The following RAB27A variants were observed in gnomAD, a reference collection of about 807,000 sequenced individuals.
RAB27A encodes the protein ras-related protein Rab-27A.
A neutral mutation model predicts 20.8 loss-of-function variants in RAB27A; 17 were observed. That is an observed-to-expected ratio of 0.82 (90% CI 0.56 to 1.23). The LOEUF is 1.23. Among genes scored for constraint, RAB27A ranks in the 50% most tolerant of loss-of-function variants. The pLI is 0.00. For missense variants in RAB27A, 277 were observed against 266.7 expected, an observed-to-expected ratio of 1.04 and a Z score of -0.27; for synonymous variants, 85 against 92.8, an observed-to-expected ratio of 0.92 and a Z score of 0.48.
chr15:55,213,180 T>C (rs1895110021), intron 6 of RAB27A, among the ~76,000 whole-genome samples: 1 of 152,218 alleles, frequency 6.6e-6, no homozygotes, highest in Non-Finnish European at 1.5e-5. Flanking sequence ...CAGGGAGTCC[T>C]GCAATTGAAT....
At chr15:55,295,079 CA>C in intron 2 of RAB27A, among the ~76,000 whole-genome samples, 1 of 152,046 alleles carries the variant, frequency 6.6e-6, no homozygotes, top group South Asian at 2.1e-4. Context: ...TGGCCAACTT[CA>C]AATGAAAAGA....
At chr15:55,300,078 C>G (rs2054965387) in intron 2 of RAB27A, among the ~76,000 whole-genome samples, 1 of 152,034 alleles carries the variant, frequency 6.6e-6, no homozygotes, top group Admixed American at 6.5e-5. Flanking sequence ...CCTCGGCCTC[C>G]CAAAGTGCTG....
At chr15:55,295,552 A>C (rs1208932817) in intron 2 of RAB27A, among the ~76,000 whole-genome samples, 1 of 152,242 alleles carries the variant, frequency 6.6e-6, no homozygotes, top group Non-Finnish European at 1.5e-5. Flanking sequence ...TACAACGTGG[A>C]TGAACTTCAA....
intron 2 of RAB27A, among the ~76,000 whole-genome samples, chr15:55,269,035 A>G (rs1201335116): frequency 1.3e-5 from 2 of 152,234 alleles, no homozygotes; most frequent in African/African-American, 4.8e-5. Flanking sequence ...AGCCATCCAC[A>G]GCTAAGCAGA....
Position 55,230,484 on chromosome 15 carries a change from C to A in RAB27A, c.156G>T (p.Val52=). The A allele has an allele frequency of 6.2e-7, 1 of 1,612,104 alleles. No homozygotes were observed. Among genetic ancestry groups the A allele is most frequent in the Non-Finnish European group, 8.5e-7 (1 of 1,178,352 alleles). The change falls in exon 4 of 7, where the codon GTG becomes GTT. Residue 52 remains valine, a splice_region_variant and synonymous_variant. Transcript: ENST00000336787. ...VGIDFREKRV[V]YRASGPDGAT... ...CTCCATCCGGCCCACTGGCTCTGTACACCTAAAACAGCAAAGTGAAAGAGA... is the reference window on the plus strand; with the variant it reads ...CTCCATCCGGCCCACTGGCTCTGTAAACCTAAAACAGCAAAGTGAAAGAGA...
intron 2 of RAB27A, chr15:55,249,052 T>C (rs1272836630): frequency 6.6e-6 from 1 of 152,218 alleles, no homozygotes; most frequent in Non-Finnish European, 1.5e-5. Flanking sequence ...ACTGACTGTT[T>C]GCATTTCTAT....
intron 2 of RAB27A, among the ~76,000 whole-genome samples, chr15:55,295,989 C>T (rs1353712595): frequency 6.6e-6 from 1 of 151,374 alleles, no homozygotes; most frequent in Non-Finnish European, 1.5e-5. Flanking sequence ...CTCCGCCTTC[C>T]GGTTTCAAGC....
chr15:55,291,713 G>T (rs1436457370), upstream of RAB27A, among the ~76,000 whole-genome samples: 2 of 152,064 alleles, frequency 1.3e-5, no homozygotes, highest in Non-Finnish European at 2.9e-5. Flanking sequence ...CTCACCAGGA[G>T]TATACCAGAC....
At chr15:55,283,723 G>T (rs1032385188) in intron 1 of RAB27A, among the ~76,000 whole-genome samples, 2 of 152,066 alleles carry the variant, frequency 1.3e-5, no homozygotes, top group African/African-American at 4.8e-5. Context: ...ACAATCATAG[G>T]TTATATTTTA....
chr15:55,263,214 G>T (rs1178795111), intron 2 of RAB27A, among the ~76,000 whole-genome samples: 2 of 151,980 alleles, frequency 1.3e-5, no homozygotes, highest in Admixed American at 6.6e-5. Context: ...TTCGCCAGGG[G>T]GTAGGGGAGA....
At chr15:55,250,784 G>T (rs1366068782) in intron 2 of RAB27A, among the ~76,000 whole-genome samples, 1 of 152,186 alleles carries the variant, frequency 6.6e-6, no homozygotes, top group Non-Finnish European at 1.5e-5. Context: ...TCCTGCATAG[G>T]AAACCTACAT....
chr15:55,299,372 T>A (rs940343513), intron 2 of RAB27A, among the ~76,000 whole-genome samples: 2 of 152,074 alleles, frequency 1.3e-5, no homozygotes, highest in South Asian at 2.1e-4. Flanking sequence ...GGTGGGTGAA[T>A]CACCTGAGGT....
upstream of RAB27A, among the ~76,000 whole-genome samples, chr15:55,291,584 CT>C (rs1369897827): frequency 2.1e-5 from 3 of 145,794 alleles, no homozygotes; most frequent in African/African-American, 7.5e-5. Flanking sequence ...AGGAATAGTC[CT>C]GGGAATCACT....
At chr15:55,317,346 G>C (rs1213820671) in intron 1 of RAB27A, 1 of 181,610 alleles carries the variant, frequency 5.5e-6, no homozygotes, top group Non-Finnish European at 1.1e-5. Flanking sequence ...ATGGAGTCTC[G>C]CTCTGTCACC....
At chr15:55,318,432 C>T (rs1425951613) in intron 1 of RAB27A, among the ~76,000 whole-genome samples, 1 of 141,282 alleles carries the variant, frequency 7.1e-6, no homozygotes, top group Admixed American at 6.9e-5. Flanking sequence ...GGGCCGCACG[C>T]GGTGGCTCAC....
At chr15:55,252,658 CT>C (rs1203273248) in intron 2 of RAB27A, among the ~76,000 whole-genome samples, 5 of 151,546 alleles carry the variant, frequency 3.3e-5, no homozygotes, top group Admixed American at 6.6e-5. Context: ...ACCCCAAAAG[CT>C]ATTGATTGAT....
At chr15:55,264,909 T>C (rs1897407283) in intron 2 of RAB27A, among the ~76,000 whole-genome samples, 1 of 152,130 alleles carries the variant, frequency 6.6e-6, no homozygotes, top group South Asian at 2.1e-4. Context: ...GTCTAATAGG[T>C]AAGCTGTTTG....
At chr15:55,255,453 T>C (rs1295484625) in intron 2 of RAB27A, among the ~76,000 whole-genome samples, 1 of 152,156 alleles carries the variant, frequency 6.6e-6, no homozygotes, top group Non-Finnish European at 1.5e-5. Flanking sequence ...GTGTATTGCT[T>C]CTCCACTACC....
chr15:55,226,785 T>C (rs960780060), intron 5 of RAB27A, among the ~76,000 whole-genome samples: 1 of 151,392 alleles, frequency 6.6e-6, no homozygotes, highest in Non-Finnish European at 1.5e-5. Flanking sequence ...GGAGAATTGC[T>C]TGAACCCAGG....
Sources: allele counts gnomAD v4.1 joint callset (sites outside exome capture counted in the v4.1 genomes callset), GRCh38; gene constraint gnomAD v4.1.1; transcripts MANE v1.5; gene names NCBI Gene and HGNC (gene_info 2026-07-23, HGNC 2026-07-21).